TMC3: variants seen among roughly 807,000 people sequenced by gnomAD.
TMC3 encodes the protein transmembrane channel like 3, also known as transmembrane channel-like protein 3.
A neutral mutation model predicts 110.6 loss-of-function variants in TMC3; 98 were observed. The observed-to-expected ratio is 0.89, with a 90% CI of 0.75 to 1.05. TMC3 has a LOEUF of 1.05. TMC3 is among the 50% of genes least tolerant of loss of function. TMC3 has a pLI of 0.00. For synonymous variants in TMC3, 489 were observed against 513.1 expected, an observed-to-expected ratio of 0.95 and a Z score of 0.63; for missense variants, 1,319 against 1,373.2, an observed-to-expected ratio of 0.96 and a Z score of 0.62.
Position 81,332,749 on chromosome 15 carries a change from C to G in TMC3, c.2973G>C (p.Val991=). ...AATCTTCATTCCACGACTTGTAGTG[C>G]ACCCTCCCCTGGTGCTCGGGATCCC... is the stretch of plus-strand genomic sequence containing the variant. ...QTRDPEHQGR[V]HYKSWNEDFE... is the part of the protein sequence containing the mutation. Residue 991 remains valine, a synonymous_variant, in exon 22 of 22, where the codon GTG becomes GTC. Coordinates refer to ENST00000359440, the MANE Select transcript of TMC3 (RefSeq NM_001080532.3). 6.2e-7 allele frequency: 1 copy of G among 1,613,282 alleles called. No homozygotes were observed.
At chr15:81,372,870 C>CGTGTGT (rs58420711) in intron 1 of TMC3, 133 bp from the exon 2 acceptor site, 75,920 of 547,076 alleles carry the variant, frequency 0.14, 1,492 homozygotes, top group Middle Eastern at 0.19. Flanking sequence ...TGTGTTTGTG[C>CGTGTGT]GTGTGTGTGT....
At position 81,332,963 on chromosome 15, in the gene TMC3, A is replaced by T; in HGVS notation, c.2759T>A (p.Leu920Gln). 1 of 1,612,808 alleles carries T rather than the reference A, an allele frequency of 6.2e-7. No homozygotes were observed. The highest frequency in any genetic ancestry group is 8.5e-7 in the Non-Finnish European group (1 of 1,179,240). The change falls in exon 22 of 22, where the codon CTG (leucine) becomes CAG (glutamine). Residue 920 changes from leucine (L) to glutamine (Q), a missense_variant. Transcript: ENST00000359440. ...KIDASGDIVE[L>Q]YPRNVRQYAS... ...ATATTGTCGCACGTTCCTGGGGTAC[A>T]GCTCCACAATGTCACCTGAAGCATC...
intron 16 of TMC3, among the ~76,000 whole-genome samples, chr15:81,340,656 T>C (rs1027199575): frequency 6.6e-6 from 1 of 152,248 alleles, no homozygotes; most frequent in African/African-American, 2.4e-5. Context: ...ATAATGCTGC[T>C]AGACATGTAA....
Position 81,334,894 on chromosome 15 carries a change from G to T in TMC3, c.2285C>A (p.Ser762Ter). 6.2e-7 allele frequency: 1 copy of T among 1,614,042 alleles called. No individual in the cohort carries two copies. Among genetic ancestry groups the T allele is most frequent in the Non-Finnish European group, 8.5e-7 (1 of 1,179,912 alleles). ...DLTSQLSSAH[S>*]GTPQNNGNVA... The stretch of plus-strand genomic sequence containing the variant: ...GTTGCCGTTGTTTTGGGGTGTGCCC[G>T]AGTGCGCTGAGGACAGCTGGCTGGT... Residue 762 changes from serine (S) to a stop codon, truncating the protein, a stop_gained, in exon 21 of 22, where the codon TCG (serine) becomes TAG (stop). Transcript: ENST00000359440. LOFTEE classifies it high-confidence loss of function.
Position 81,366,333 on chromosome 15 carries a change from G to C in TMC3, c.312+1920C>G, listed in dbSNP as rs566880576. 1.2e-3 allele frequency among the ~76,000 whole-genome samples: 183 copies of C among 152,304 alleles called. 1 individual carries two copies. The highest frequency in any genetic ancestry group is 4.1e-3 in the African/African-American group (172 of 41,558). On this transcript the variant is annotated intron_variant, in intron 3 of 21. Coordinates refer to ENST00000359440, the MANE Select transcript of TMC3 (RefSeq NM_001080532.3). The stretch of plus-strand genomic sequence containing the variant: ...AAAATGAAAAGTAAATGGGAAGAGT[G>C]GCTTTCTAAAAGGGGAGAACAGCCA...
chr15:81,340,420 CTGAA>C (rs1567061961), intron 16 of TMC3, among the ~76,000 whole-genome samples: 1 of 152,154 alleles, frequency 6.6e-6, no homozygotes. Flanking sequence ...AAACATATCT[CTGAA>C]TGTATTAATA....
At position 81,331,255 on chromosome 15, in the gene TMC3, G is replaced by C. The variant is rs1338934228; in HGVS notation, c.*1164C>G. On this transcript the variant is annotated 3_prime_UTR_variant, in exon 22 of 22. Transcript: ENST00000359440. Reference sequence around the variant, plus strand: ...TACAGAAGCGAGAGCAAAGGCAGTTGTTCAGTCTTTTACATTTATCTATAC... The same window carrying C: ...TACAGAAGCGAGAGCAAAGGCAGTTCTTCAGTCTTTTACATTTATCTATAC... 1 of 152,196 alleles carries C rather than the reference G, an allele frequency of 6.6e-6. No individual in the cohort carries two copies. The highest frequency in any genetic ancestry group is 1.5e-5 in the Non-Finnish European group (1 of 68,048). 9.4% of individuals were successfully genotyped at this position (152,196 alleles called of 1,614,324 possible).
At chr15:81,361,050 C>G (rs1368708889) in intron 4 of TMC3, among the ~76,000 whole-genome samples, 1 of 144,886 alleles carries the variant, frequency 6.9e-6, no homozygotes, top group African/African-American at 2.6e-5. Context: ...CATATTAAAA[C>G]TTTTTAAAAA....
intron 3 of TMC3, among the ~76,000 whole-genome samples, chr15:81,363,684 TCTC>T (rs1187697578): frequency 2.0e-5 from 3 of 152,122 alleles, no homozygotes; most frequent in Non-Finnish European, 1.5e-5. Flanking sequence ...GAAAAGAAAT[TCTC>T]CTCTTTGTAA....
Position 81,332,856 on chromosome 15 carries a change from G to C in TMC3, c.2866C>G (p.Arg956Gly). 1.2e-6 allele frequency: 2 copies of C among 1,613,378 alleles called. No individual in the cohort carries two copies. Among genetic ancestry groups the C allele is most frequent in the Non-Finnish European group, 1.7e-6 (2 of 1,179,878 alleles). Residue 956 changes from arginine (R) to glycine (G), a missense_variant, in exon 22 of 22, where the codon CGG becomes GGG. Arg to Gly is a moderately radical substitution (Grantham distance 125). Coordinates refer to ENST00000359440, the MANE Select transcript of TMC3 (RefSeq NM_001080532.3). ...ATCAGGGAGCGTGGGGGAAGAGACC[G>C]TTTGATCCAATCTCTGCTTGGCGTC... The part of the protein sequence containing the change: ...EETPSRDWIK[R>G]SLPPRSLIDL...
chr15:81,352,014 T>A (rs967617703), intron 9 of TMC3, among the ~76,000 whole-genome samples, 173 bp from the exon 10 acceptor site: 6 of 152,216 alleles, frequency 3.9e-5, no homozygotes, highest in African/African-American at 1.4e-4. Context: ...ATTCCTCATT[T>A]TCTAAGAGAT....
intron 14 of TMC3, among the ~76,000 whole-genome samples, chr15:81,343,583 G>T (rs1287182281): frequency 6.6e-6 from 1 of 151,982 alleles, no homozygotes; most frequent in Non-Finnish European, 1.5e-5. Context: ...GTAGTCAGGA[G>T]TTCGAGGTCA....
intron 15 of TMC3, 135 bp downstream of exon 15, chr15:81,343,143 A>G (rs1202853533): frequency 3.6e-6 from 2 of 555,918 alleles, no homozygotes; most frequent in Non-Finnish European, 6.6e-6. Flanking sequence ...ATACATGTGA[A>G]ATAATAATCT....
Position 81,358,450 on chromosome 15 carries a change from C to G in TMC3, c.552G>C (p.Lys184Asn), listed in dbSNP as rs932285394. The G allele has an allele frequency of 1.9e-6, 3 of 1,613,688 alleles. No individual in the cohort carries two copies. The highest frequency in any genetic ancestry group is 3.3e-5 in the Admixed American group (2 of 59,974). Residue 184 changes from lysine to asparagine, a missense_variant, in exon 6 of 22, where the codon AAG becomes AAC. Physicochemically the swap from Lys to Asn is moderately conservative, Grantham distance 94. Transcript: ENST00000359440. Reference protein sequence around the residue: ...FGSTARKTIPKEQVSSAQDLD... With the variant: ...FGSTARKTIPNEQVSSAQDLD... ...GGTCTTGGGCAGACGAAACCTGCTC[C>G]TTGGGGATGGTCTTCCTGGCTGTGC...
intron 21 of TMC3, among the ~76,000 whole-genome samples, chr15:81,334,082 C>T (rs1470398334): frequency 6.6e-6 from 1 of 151,994 alleles, no homozygotes; most frequent in Non-Finnish European, 1.5e-5. Flanking sequence ...AGTGTTTGAA[C>T]CCTTTCTCCT....
At chr15:81,343,037 T>A in intron 15 of TMC3, 1 of 444,558 alleles carries the variant, frequency 2.2e-6, no homozygotes, top group East Asian at 3.6e-5. Flanking sequence ...TCTGTGCAGA[T>A]TTTTTTCGGC....
chr15:81,360,968 TTC>T (rs1223172718), intron 4 of TMC3, among the ~76,000 whole-genome samples: 3 of 144,948 alleles, frequency 2.1e-5, no homozygotes, highest in Non-Finnish European at 4.4e-5. Context: ...TATTACGGTT[TTC>T]TCTTTTTTTT....
In TMC3 at chr15:81,338,488, CAT is replaced by C. The variant is rs779272313; in HGVS notation, c.2081+165_2081+166del. 2.6e-3 allele frequency among the ~76,000 whole-genome samples: 393 copies of C among 152,298 alleles called. 5 individuals carry two copies. Among genetic ancestry groups the C allele is most frequent in the Non-Finnish European group, 1.7e-3 (116 of 68,014 alleles). ...GCTGTGTCTCCATGGCACAGTGCCTCATGTGACTCTGGTGTGTGACTCAGAGT... is the reference window on the plus strand; with the variant it reads ...GCTGTGTCTCCATGGCACAGTGCCTCGTGACTCTGGTGTGTGACTCAGAGT... On this transcript the variant is annotated intron_variant, in intron 18 of 21. Transcript: ENST00000359440.
At chr15:81,370,269 C>G (rs556072726) in intron 2 of TMC3, among the ~76,000 whole-genome samples, 2 of 152,236 alleles carry the variant, frequency 1.3e-5, no homozygotes, top group Non-Finnish European at 2.9e-5. Context: ...CTCAAGCAGT[C>G]AGGGTTCCGT....
Sources: allele counts gnomAD v4.1 joint callset (sites outside exome capture counted in the v4.1 genomes callset), GRCh38; gene constraint gnomAD v4.1.1; transcripts MANE v1.5; gene names NCBI Gene and HGNC (gene_info 2026-07-23, HGNC 2026-07-21).